The following JAML variants were observed in gnomAD, a reference collection of about 807,000 sequenced individuals.
JAML encodes junction adhesion molecule like, also known as junctional adhesion molecule-like.
Under a neutral mutation model 39.3 loss-of-function variants are expected in JAML, and 25 were observed. The ratio of observed to expected loss-of-function variants is 0.64; its 90% CI spans 0.46 to 0.89. The LOEUF is 0.89. JAML is among the 40% of genes least tolerant of loss of function. JAML has a pLI of 0.00. For missense variants in JAML, 440 were observed against 486.9 expected (o/e 0.90, Z 0.91); for synonymous variants, 162 against 179.2 (o/e 0.90, Z 0.77).
In JAML at chr11:118,221,211, G is replaced by C. The variant is rs373879061; in HGVS notation, c.-21+3730C>G. Reference sequence around the variant, plus strand: ...AAGAAGCATGCGTAATAATTACATGGCTAGTCCTAGAAAGTTCTCTTGAGC... The same window carrying C: ...AAGAAGCATGCGTAATAATTACATGCCTAGTCCTAGAAAGTTCTCTTGAGC... On this transcript the variant is annotated intron_variant, in intron 1 of 9. Coordinates refer to ENST00000356289, the MANE Select transcript of JAML (RefSeq NM_001098526.2). 4.0e-5 allele frequency among the ~76,000 whole-genome samples: 6 copies of C among 151,498 alleles called. No individual in the cohort carries two copies. In the East Asian group the frequency reaches 9.7e-4, roughly 24 times the overall value.
At chr11:118,200,418 A>G (rs1948758913) in intron 7 of JAML, 56 bp downstream of exon 7, 1 of 1,598,038 alleles carries the variant, frequency 6.3e-7, no homozygotes, top group Admixed American at 1.7e-5. Context: ...ACTTTGGGGT[A>G]GAGGCAGCCT....
intron 4 of JAML, 76 bp downstream of exon 4, chr11:118,210,411 A>G: frequency 6.9e-7 from 1 of 1,441,432 alleles, no homozygotes. Flanking sequence ...CATTTACTCA[A>G]GATAATCAGT....
intron 2 of JAML, chr11:118,212,971 GA>G (rs1949092367): frequency 1.2e-6 from 2 of 1,613,682 alleles, no homozygotes; most frequent in Non-Finnish European, 1.7e-6. Context: ...TTCCCTCTCT[GA>G]AAAGGGACCT....
At chr11:118,194,483 T>C in intron 9 of JAML, 66 bp from the exon 10 acceptor site, 2 of 1,320,464 alleles carry the variant, frequency 1.5e-6, no homozygotes, top group South Asian at 2.4e-5. Context: ...TCATAGCAGC[T>C]GCTGTTCATT....
intron 6 of JAML, 131 bp downstream of exon 6, chr11:118,203,297 C>T: frequency 2.3e-6 from 2 of 851,922 alleles, no homozygotes; most frequent in Non-Finnish European, 3.9e-6. Flanking sequence ...TTGTGCAAGG[C>T]CAGAGTCAGC....
At chr11:118,195,538 A>AC (rs1274482374) in intron 9 of JAML, among the ~76,000 whole-genome samples, 2 of 151,596 alleles carry the variant, frequency 1.3e-5, no homozygotes, top group Non-Finnish European at 2.9e-5. Context: ...TTTTGTCCCT[A>AC]CCCCCACTCA....
intron 5 of JAML, 131 bp downstream of exon 5, chr11:118,205,748 TAGG>T: frequency 2.8e-6 from 2 of 710,800 alleles, no homozygotes; most frequent in South Asian, 3.7e-5. Context: ...CTGAAATTGC[TAGG>T]AGAAGGTCCA....
intron 7 of JAML, among the ~76,000 whole-genome samples, chr11:118,198,323 C>T (rs1391682398): frequency 2.6e-5 from 4 of 152,220 alleles, no homozygotes; most frequent in African/African-American, 7.2e-5. Flanking sequence ...AAAGCAGCTT[C>T]AACTTCTCTA....
intron 6 of JAML, chr11:118,202,851 C>G: frequency 2.4e-6 from 1 of 421,880 alleles, no homozygotes; most frequent in South Asian, 1.7e-5. Flanking sequence ...TAACTTTAAC[C>G]CCTCACTTAT....
At position 118,214,813 on chromosome 11, in the gene JAML, C is replaced by A; in HGVS notation, c.43+11G>T. On this transcript the variant is annotated intron_variant, in intron 2 of 9. Coordinates refer to ENST00000356289, the MANE Select transcript of JAML (RefSeq NM_001098526.2). ...TCAAATACCCCACGGAGTCCCTTAGCTTCTACTTACCCAGTAACACTGGCA... is the reference window on the plus strand; with the variant it reads ...TCAAATACCCCACGGAGTCCCTTAGATTCTACTTACCCAGTAACACTGGCA... 2 of 1,613,770 alleles carry A rather than the reference C, an allele frequency of 1.2e-6. No homozygotes were observed. The highest frequency in any genetic ancestry group is 1.7e-6 in the Non-Finnish European group (2 of 1,179,688).
intron 1 of JAML, among the ~76,000 whole-genome samples, chr11:118,223,374 T>G (rs546774354): frequency 2.1e-4 from 32 of 152,318 alleles, no homozygotes; most frequent in African/African-American, 6.0e-4. Flanking sequence ...TTTGTGGACG[T>G]TTTACCTTAT....
intron 6 of JAML, chr11:118,201,668 T>C (rs750273815): frequency 1.3e-5 from 2 of 152,246 alleles, no homozygotes; most frequent in African/African-American, 2.4e-5. Context: ...GAGCAGTGGC[T>C]GAGAGAGAAA....
intron 3 of JAML, among the ~76,000 whole-genome samples, chr11:118,211,061 A>G (rs1949047782): frequency 6.6e-6 from 1 of 152,230 alleles, no homozygotes; most frequent in Non-Finnish European, 1.5e-5. Context: ...GCCCCGGATT[A>G]GATGGCATTC....
chr11:118,223,079 AGT>A (rs1949225876), intron 1 of JAML, among the ~76,000 whole-genome samples: 1 of 123,690 alleles, frequency 8.1e-6, no homozygotes, highest in Non-Finnish European at 1.6e-5. Context: ...TAGGTGACAG[AGT>A]GAGACTCTGT....
chr11:118,214,158 G>T (rs966833365), intron 2 of JAML, among the ~76,000 whole-genome samples: 13 of 152,274 alleles, frequency 8.5e-5, no homozygotes, highest in Middle Eastern at 3.4e-3. Context: ...AAAGAAAAAG[G>T]CATGGGGGAA....
chr11:118,219,293 A>C (rs1186470627), intron 1 of JAML, among the ~76,000 whole-genome samples: 6 of 152,214 alleles, frequency 3.9e-5, no homozygotes, highest in African/African-American at 1.2e-4. Context: ...GTGAGGATGC[A>C]GAGAAAAGGG....
intron 4 of JAML, among the ~76,000 whole-genome samples, chr11:118,207,330 C>G (rs960853936): frequency 8.5e-5 from 13 of 152,144 alleles, no homozygotes; most frequent in African/African-American, 3.1e-4. Context: ...TGTATGACTA[C>G]TCTCCCATTT....
intron 1 of JAML, among the ~76,000 whole-genome samples, chr11:118,215,848 A>G (rs942199274): frequency 2.6e-5 from 4 of 152,154 alleles, no homozygotes; most frequent in African/African-American, 9.6e-5. Context: ...TTCTTAGCTA[A>G]ACAGAAGAAC....
chr11:118,197,259 C>T (rs1421436883), intron 8 of JAML: 1 of 158,208 alleles, frequency 6.3e-6, no homozygotes, highest in Non-Finnish European at 1.4e-5. Flanking sequence ...GGTCCTGTCA[C>T]TCGTTGGTAA....
Sources: allele counts gnomAD v4.1 joint callset (sites outside exome capture counted in the v4.1 genomes callset), GRCh38; gene constraint gnomAD v4.1.1; transcripts MANE v1.5; gene names NCBI Gene and HGNC (gene_info 2026-07-23, HGNC 2026-07-21).